The following HDGFL2 variants were observed in gnomAD, a reference collection of about 807,000 sequenced individuals.
HDGFL2 encodes the protein hepatoma-derived growth factor-related protein 2.
HDGFL2 carries 36 observed loss-of-function variants against 77.1 expected under a neutral mutation model. The observed-to-expected ratio is 0.47, with a 90% CI of 0.36 to 0.62. The LOEUF (loss-of-function observed/expected upper bound fraction) is 0.62. Ranked by LOEUF, HDGFL2 falls within the 20% of genes least tolerant of loss-of-function variation. HDGFL2 has a pLI of 0.00. For missense variants in HDGFL2, 976 were observed against 973.4 expected, an observed-to-expected ratio of 1.00 and a Z score of -0.04; for synonymous variants, 463 against 413.1, an observed-to-expected ratio of 1.12 and a Z score of -1.46.
At chr19:4,477,731 C>G (rs557776612) in intron 3 of HDGFL2, among the ~76,000 whole-genome samples, 13 of 152,310 alleles carry the variant, frequency 8.5e-5, no homozygotes, top group African/African-American at 3.1e-4. Context: ...GTTGAGGCCA[C>G]TGCTGCTCTT....
intron 10 of HDGFL2, 186 bp from the exon 11 acceptor site, chr19:4,497,772 G>GCTGCCCTGGT: frequency 1.7e-6 from 1 of 585,420 alleles, no homozygotes; most frequent in East Asian, 2.9e-5. Context: ...CGAGCCTGTG[G>GCTGCCCTGGT]CTGCCCTGGT....
rs1285082256 is a variant in HDGFL2 at position 4,494,003 on chromosome 19, C to T, written c.860C>T (p.Pro287Leu). The change falls in exon 8 of 16, where the codon CCG becomes CTG. Residue 287 changes from proline (P) to leucine (L), a missense_variant. Pro to Leu is a moderately conservative substitution (Grantham distance 98). Transcript: ENST00000616600. ...RKPAEKPLPK[P>L]RGRKPKPERP... ...GTAGCGGAGAAGCCTCTCCCGAAGCCGCGAGGGCGGAAACCGAAGCCTGAA... is the reference window on the plus strand; with the variant it reads ...GTAGCGGAGAAGCCTCTCCCGAAGCTGCGAGGGCGGAAACCGAAGCCTGAA... 5.0e-6 allele frequency: 8 copies of T among 1,611,340 alleles called. No homozygotes were observed. The highest frequency in any genetic ancestry group is 1.3e-5 in the African/African-American group (1 of 74,902).
intron 1 of HDGFL2, among the ~76,000 whole-genome samples, chr19:4,473,345 G>C (rs1038331014): frequency 6.6e-6 from 1 of 151,286 alleles, no homozygotes; most frequent in Admixed American, 6.6e-5. Context: ...GGTTGCCCTG[G>C]CCCAGAGGGA....
chr19:4,496,646 G>A lies in HDGFL2; in HGVS notation c.1328+241G>A, dbSNP rs1044253465. Among the ~76,000 whole-genome samples the A allele has an allele frequency of 7.2e-5, 11 of 152,242 alleles. No homozygotes were observed. In the East Asian group the frequency reaches 1.3e-3, roughly 19 times the overall value. On this transcript the variant is annotated intron_variant, in intron 10 of 15. Transcript: ENST00000616600. Reference sequence around the variant, plus strand: ...CGCCTCCAGAGACACGGCCACGTCCGGGGACATCTGTGGTTGTCATGACTG... The same window carrying A: ...CGCCTCCAGAGACACGGCCACGTCCAGGGACATCTGTGGTTGTCATGACTG...
intron 10 of HDGFL2, chr19:4,496,984 C>T (rs1160132290): frequency 1.6e-5 from 6 of 382,888 alleles, no homozygotes; most frequent in Non-Finnish European, 3.1e-5. Context: ...AGCGATTCTC[C>T]TGCCTCAGCC....
chr19:4,497,783 C>T (rs984081685), intron 10 of HDGFL2, 175 bp from the exon 11 acceptor site: 1 of 593,034 alleles, frequency 1.7e-6, no homozygotes, highest in Non-Finnish European at 3.0e-6. Context: ...CTGCCCTGGT[C>T]TGCCCTAGGC....
At chr19:4,486,523 C>T (rs1975366394) in intron 3 of HDGFL2, 1 of 139,146 alleles carries the variant, frequency 7.2e-6, no homozygotes, top group South Asian at 2.4e-4. Context: ...GAAATTCCAT[C>T]TCAAAAAAAA....
rs1293550290 is a variant in HDGFL2 at position 4,494,368 on chromosome 19, G to A, written c.1117G>A (p.Glu373Lys). ...GGGCAGCGGCGGCAGCAGCGGGGAC[G>A]AGCTCAGGGAGGACGATGAGCCCGT... ...ERGSGGSSGD[E>K]LREDDEPVKK... Residue 373 changes from glutamate to lysine, a missense_variant, in exon 9 of 16, where the codon GAG becomes AAG. By Grantham distance (56) the Glu-to-Lys change is moderately conservative. This residue lies in a region of HDGFL2 where 567 missense variants were observed against 534.7 expected (regional missense o/e 1.06). Coordinates refer to ENST00000616600, the MANE Select transcript of HDGFL2 (RefSeq NM_001001520.3). The A allele has an allele frequency of 1.5e-5, 21 of 1,399,928 alleles. No individual in the cohort carries two copies. The highest frequency in any genetic ancestry group is 1.8e-5 in the Non-Finnish European group (20 of 1,081,254). 86.7% of individuals were successfully genotyped at this position (1,399,928 alleles called of 1,614,324 possible). A position where few individuals can be genotyped will look rare whatever the true frequency, so the allele number is the denominator to read the frequency against.
intron 3 of HDGFL2, among the ~76,000 whole-genome samples, chr19:4,481,214 G>T (rs1168346296): frequency 2.4e-5 from 2 of 84,328 alleles, no homozygotes; most frequent in African/African-American, 4.8e-5. Context: ...TTTTTGTGAT[G>T]GAGTCTTGCT....
chr19:4,482,801 C>T (rs1293521625), intron 3 of HDGFL2, among the ~76,000 whole-genome samples: 3 of 152,182 alleles, frequency 2.0e-5, no homozygotes, highest in African/African-American at 7.2e-5. Flanking sequence ...TGGTCATGCC[C>T]ACCGGTTACA....
At chr19:4,489,409 A>AT (rs61585646) in intron 4 of HDGFL2, among the ~76,000 whole-genome samples, 38,664 of 143,100 alleles carry the variant, frequency 0.27, 6,125 homozygotes, top group African/African-American at 0.46. Context: ...CCACCACCAT[A>AT]TTTTTTTTTT....
At chr19:4,492,472 C>T (rs1975541802) in intron 6 of HDGFL2, among the ~76,000 whole-genome samples, 2 of 150,940 alleles carry the variant, frequency 1.3e-5, no homozygotes, top group Admixed American at 1.3e-4. Flanking sequence ...TGTGTGTGTG[C>T]CTGTGTGTCC....
chr19:4,494,244 G>A lies in HDGFL2; in HGVS notation c.993G>A (p.Arg331=). ...EARRRELEAR[R]RREQEEELRR... ...GGAGGCGCGAGCTGGAGGCCCGGCG[G>A]CGGCGAGAGCAGGAGGAGGAGCTGC... The change falls in exon 9 of 16, where the codon CGG becomes CGA. Residue 331 remains arginine (R), a synonymous_variant. Transcript: ENST00000616600. 6.8e-7 allele frequency: 1 copy of A among 1,462,330 alleles called. No individual in the cohort carries two copies. Among genetic ancestry groups the A allele is most frequent in the Non-Finnish European group, 9.0e-7 (1 of 1,110,582 alleles). The allele number at this position is 1,462,330 out of a possible 1,614,324, so 90.6% of individuals were successfully genotyped here. A position where few individuals can be genotyped will look rare whatever the true frequency, so the allele number is the denominator to read the frequency against.
At chr19:4,490,468 G>A (rs904775439) in intron 4 of HDGFL2, among the ~76,000 whole-genome samples, 2 of 152,134 alleles carry the variant, frequency 1.3e-5, no homozygotes, top group African/African-American at 4.8e-5. Context: ...CTGGCCATTT[G>A]GGTTGTTTCC....
intron 14 of HDGFL2, among the ~76,000 whole-genome samples, chr19:4,500,079 G>C (rs899103758): frequency 2.6e-5 from 4 of 152,032 alleles, no homozygotes; most frequent in African/African-American, 7.2e-5. Context: ...GTCGGTGGAG[G>C]CTCGGGGGCG....
At chr19:4,474,169 C>T (rs1975012476) in intron 1 of HDGFL2, among the ~76,000 whole-genome samples, 1 of 151,914 alleles carries the variant, frequency 6.6e-6, no homozygotes, top group African/African-American at 2.4e-5. Context: ...CCGGGCAGGA[C>T]TGAGGAATTT....
chr19:4,487,703 G>C (rs942746237), intron 3 of HDGFL2, among the ~76,000 whole-genome samples: 10 of 152,220 alleles, frequency 6.6e-5, no homozygotes, highest in Admixed American at 3.9e-4. Context: ...GGTCACTTCT[G>C]TGTTCTTGAT....
At chr19:4,475,610 G>A in intron 3 of HDGFL2, 27 bp downstream of exon 3, 1 of 1,549,126 alleles carries the variant, frequency 6.5e-7, no homozygotes, top group Non-Finnish European at 8.7e-7. Context: ...GAGAGCCAGT[G>A]TGAAGCGCGC....
intron 9 of HDGFL2, among the ~76,000 whole-genome samples, chr19:4,494,987 C>A (rs1348571646): frequency 6.6e-6 from 1 of 151,900 alleles, no homozygotes; most frequent in African/African-American, 2.4e-5. Context: ...CCGGAGTTTT[C>A]GGTGCTAAGG....
Sources: gnomAD v4.1 joint callset for allele counts (sites outside exome capture counted in the v4.1 genomes callset) on GRCh38, gnomAD v4.1.1 for gene constraint, gnomAD v4.1.1 regional missense constraint, MANE v1.5 for transcripts, NCBI Gene and HGNC (gene_info 2026-07-23, HGNC 2026-07-21) for gene names.